Variants in ABLIM3 observed in about 807,000 individuals in gnomAD.
The protein encoded by ABLIM3 is actin binding LIM protein family member 3.
ABLIM3 carries 61 observed loss-of-function variants against 109.5 expected under a neutral mutation model. The observed-to-expected ratio is 0.56, with a 90% CI of 0.45 to 0.69. The LOEUF is 0.69. Ranked by LOEUF, ABLIM3 falls within the 30% of genes least tolerant of loss-of-function variation. The pLI is 0.00. For synonymous variants in ABLIM3, 300 were observed against 324.8 expected (o/e 0.92, Z 0.82); for missense variants, 796 against 889.5 (o/e 0.89, Z 1.34).
chr5:149,239,176 T>C (rs1377330909), intron 11 of ABLIM3, 72 bp from the exon 12 acceptor site: 2 of 1,488,672 alleles, frequency 1.3e-6, no homozygotes, highest in Non-Finnish European at 1.9e-6. Context: ...AACCATGCTC[T>C]GTCCTTCGTC....
At chr5:149,235,898 A>G (rs1762299697) in intron 10 of ABLIM3, among the ~76,000 whole-genome samples, 1 of 152,208 alleles carries the variant, frequency 6.6e-6, no homozygotes, top group Admixed American at 6.5e-5. Flanking sequence ...GACTACAGCA[A>G]CATAATGTTG....
chr5:149,246,659 A>G lies in ABLIM3; in HGVS notation c.1551+113A>G, dbSNP rs990952488. The G allele has an allele frequency of 9.3e-6, 11 of 1,177,184 alleles. No homozygotes were observed. The Admixed American group carries it at 2.9e-4, about 31-fold the overall frequency. 72.9% of individuals were successfully genotyped at this position (1,177,184 alleles called of 1,614,324 possible). A position where few individuals can be genotyped will look rare whatever the true frequency, so the allele number is the denominator to read the frequency against. On this transcript the variant is annotated intron_variant, in intron 17 of 23. Coordinates refer to ENST00000309868, the MANE Select transcript of ABLIM3 (RefSeq NM_014945.5). ...AAGCCCACTTATGATAGAAAAAAGAAAAGCATAGCTTTGCATAACTGAAAA... is the reference window on the plus strand; with the variant it reads ...AAGCCCACTTATGATAGAAAAAAGAGAAGCATAGCTTTGCATAACTGAAAA...
At chr5:149,170,426 C>T (rs1388234959) in intron 2 of ABLIM3, among the ~76,000 whole-genome samples, 1 of 152,114 alleles carries the variant, frequency 6.6e-6, no homozygotes, top group Admixed American at 6.5e-5. Context: ...GGTCATATGC[C>T]TGCCAATCAT....
In ABLIM3 at chr5:149,225,978, GTGTGTATATATATATATATATA is replaced by G. The variant is rs1337576360; in HGVS notation, c.758-4669_758-4648del. On this transcript the variant is annotated intron_variant, in intron 8 of 23. Transcript: ENST00000309868. ...ATAATATGTGTGTGTGTGTGTGTGT[GTGTGTATATATATATATATATA>G]TATATATATATATATATATATATAT... 3.7e-3 allele frequency among the ~76,000 whole-genome samples: 94 copies of G among 25,090 alleles called. 2 individuals carry two copies. The highest frequency in any genetic ancestry group is 0.021 in the African/African-American group (87 of 4,060). The allele number at this position is 25,090 out of a possible 152,430, so 16.5% of individuals were successfully genotyped here.
intron 6 of ABLIM3, among the ~76,000 whole-genome samples, chr5:149,207,616 T>A (rs776946431): frequency 2.6e-5 from 4 of 152,234 alleles, no homozygotes; most frequent in Non-Finnish European, 5.9e-5. Flanking sequence ...ACTGCCCCTT[T>A]GAGGAATTTA....
intron 2 of ABLIM3, among the ~76,000 whole-genome samples, chr5:149,173,820 G>A (rs1755666833): frequency 6.6e-6 from 1 of 152,212 alleles, no homozygotes; most frequent in East Asian, 1.9e-4. Flanking sequence ...AGGAGATCGA[G>A]ACCATCATGG....
At chr5:149,194,810 A>G (rs1217847043) in intron 3 of ABLIM3, among the ~76,000 whole-genome samples, 3 of 152,190 alleles carry the variant, frequency 2.0e-5, no homozygotes, top group African/African-American at 7.2e-5. Context: ...ATAATTAGGG[A>G]CGGTATGGGA....
chr5:149,144,882 CTG>C (rs1287481598), intron 2 of ABLIM3, among the ~76,000 whole-genome samples: 1 of 152,224 alleles, frequency 6.6e-6, no homozygotes, highest in African/African-American at 2.4e-5. Context: ...ATTGGTAAAA[CTG>C]TGCATACTAA....
intron 2 of ABLIM3, among the ~76,000 whole-genome samples, chr5:149,182,372 A>AT (rs1299172345): frequency 6.6e-6 from 1 of 152,204 alleles, no homozygotes; most frequent in African/African-American, 2.4e-5. Context: ...TTGAGTGAGA[A>AT]TTGAAGAAAT....
At chr5:149,232,717 C>A (rs756127162) in intron 9 of ABLIM3, among the ~76,000 whole-genome samples, 8 of 152,154 alleles carry the variant, frequency 5.3e-5, no homozygotes, top group Non-Finnish European at 8.8e-5. Context: ...TGCTGCTCTG[C>A]TAAGGAAGCT....
At chr5:149,169,768 C>T (rs1428570753) in intron 2 of ABLIM3, among the ~76,000 whole-genome samples, 1 of 152,152 alleles carries the variant, frequency 6.6e-6, no homozygotes, top group African/African-American at 2.4e-5. Context: ...GAGCAGGGGC[C>T]ATGTTCACCT....
Position 149,147,069 on chromosome 5 carries a change from TTCTC to T in ABLIM3, c.13+4978_13+4981del, listed in dbSNP as rs200724498. ...ATATTCCTAGGGTTTCTCTCTCTCT[TTCTC>T]TCTCTCTCTCTCTCTCGCTCGCTTG... On this transcript the variant is annotated intron_variant, in intron 2 of 23. Transcript: ENST00000309868. 7.8e-4 allele frequency among the ~76,000 whole-genome samples: 116 copies of T among 148,692 alleles called. 1 individual carries two copies. Among genetic ancestry groups the T allele is most frequent in the African/African-American group, 2.1e-3 (85 of 40,698 alleles).
chr5:149,201,243 C>T (rs1390539214), intron 5 of ABLIM3, among the ~76,000 whole-genome samples: 2 of 152,294 alleles, frequency 1.3e-5, no homozygotes, highest in East Asian at 3.9e-4. Context: ...CATGCCCACA[C>T]ACACATAGAC....
chr5:149,142,803 T>A (rs922755875), intron 2 of ABLIM3, among the ~76,000 whole-genome samples: 1 of 152,168 alleles, frequency 6.6e-6, no homozygotes, highest in Non-Finnish European at 1.5e-5. Flanking sequence ...GGGCCTCAGC[T>A]ACTGAGAATG....
chr5:149,185,059 T>C (rs1214566593), intron 3 of ABLIM3, among the ~76,000 whole-genome samples: 2 of 152,194 alleles, frequency 1.3e-5, no homozygotes, highest in African/African-American at 4.8e-5. Context: ...ACAAGGAAAT[T>C]GTTACAAAGT....
chr5:149,231,265 T>C (rs956928174), intron 9 of ABLIM3, among the ~76,000 whole-genome samples: 1 of 152,240 alleles, frequency 6.6e-6, no homozygotes, highest in African/African-American at 2.4e-5. Context: ...GCTGAGGTCC[T>C]GTGTCCCTCT....
chr5:149,166,403 C>A (rs1754830341), intron 2 of ABLIM3, among the ~76,000 whole-genome samples: 1 of 152,196 alleles, frequency 6.6e-6, no homozygotes, highest in Non-Finnish European at 1.5e-5. Context: ...AGCTCACTAC[C>A]TAGAGAAGCA....
intron 2 of ABLIM3, among the ~76,000 whole-genome samples, chr5:149,149,387 G>A (rs1236004852): frequency 6.6e-6 from 1 of 152,220 alleles, no homozygotes; most frequent in Non-Finnish European, 1.5e-5. Flanking sequence ...GTTGAGTAAA[G>A]CAAAGTTCTG....
At chr5:149,237,739 C>G (rs947879230) in intron 11 of ABLIM3, 136 bp downstream of exon 11, 1 of 1,149,176 alleles carries the variant, frequency 8.7e-7, no homozygotes, top group Non-Finnish European at 1.2e-6. Context: ...GATTTATGGC[C>G]AACGTTTTTT....
Sources: gnomAD v4.1 joint callset for allele counts (sites outside exome capture counted in the v4.1 genomes callset) on GRCh38, gnomAD v4.1.1 for gene constraint, MANE v1.5 for transcripts, NCBI Gene and HGNC (gene_info 2026-07-23, HGNC 2026-07-21) for gene names.